CCS: variants seen among roughly 807,000 people sequenced by gnomAD.
CCS encodes superoxide dismutase copper chaperone.
Under a neutral mutation model 35.5 loss-of-function variants are expected in CCS, and 32 were observed. The ratio of observed to expected loss-of-function variants is 0.90; its 90% CI spans 0.68 to 1.21. The LOEUF (loss-of-function observed/expected upper bound fraction) is 1.21. Ranked by LOEUF, CCS falls within the 50% of genes most tolerant of loss-of-function variation. The pLI is 0.00. For synonymous variants in CCS, 130 were observed against 147.2 expected (o/e 0.88, Z 0.84); for missense variants, 342 against 375.4 (o/e 0.91, Z 0.73).
At position 66,599,146 on chromosome 11, in the gene CCS, A is replaced by G. The variant is rs751957472; in HGVS notation, c.143A>G (p.Asp48Gly). 6 of 1,613,832 alleles carry G rather than the reference A, an allele frequency of 3.7e-6. No homozygotes were observed. The East Asian group carries it at 1.3e-4, about 36-fold the overall frequency. ...GVQDVEVHLE[D>G]QMVLVHTTLP... ...CAGGATGTGGAGGTGCACTTGGAGG[A>G]CCAGATGGTCTTGGTACACACCACT... Residue 48 changes from aspartate (D) to glycine (G), a missense_variant, in exon 3 of 8, where the codon GAC becomes GGC. Asp to Gly is a moderately conservative substitution (Grantham distance 94, BLOSUM62 -1). Coordinates refer to ENST00000533244, the MANE Select transcript of CCS (RefSeq NM_005125.2).
chr11:66,600,034 GGCAGGA>G, intron 4 of CCS: 1 of 190,732 alleles, frequency 5.2e-6, no homozygotes, highest in Non-Finnish European at 1.1e-5. Flanking sequence ...AATCTCCTGA[GGCAGGA>G]GAATCACTTG....
chr11:66,596,777 A>C (rs1858484535), intron 2 of CCS, among the ~76,000 whole-genome samples: 1 of 152,214 alleles, frequency 6.6e-6, no homozygotes, highest in Admixed American at 6.5e-5. Flanking sequence ...TAGTCAGTGC[A>C]ATGTGAATTA....
intron 2 of CCS, among the ~76,000 whole-genome samples, chr11:66,597,084 C>A (rs1325580057): frequency 1.3e-5 from 2 of 152,220 alleles, no homozygotes; most frequent in Non-Finnish European, 2.9e-5. Context: ...ACAGGATTCG[C>A]TCACCGTCCA....
intron 2 of CCS, among the ~76,000 whole-genome samples, chr11:66,596,799 G>T (rs1394043807): frequency 6.6e-6 from 1 of 152,228 alleles, no homozygotes; most frequent in Non-Finnish European, 1.5e-5. Flanking sequence ...AGGAGGGGGA[G>T]TGTGAGCTGC....
chr11:66,596,351 G>A (rs1042995485), intron 2 of CCS, among the ~76,000 whole-genome samples: 4 of 148,112 alleles, frequency 2.7e-5, no homozygotes, highest in African/African-American at 5.0e-5. Flanking sequence ...ATGGGTGTGC[G>A]CCACCACGCC....
Position 66,605,533 on chromosome 11 carries a change from A to T in CCS, c.612A>T (p.Glu204Asp), listed in dbSNP as rs201296030. The T allele has an allele frequency of 2.5e-6, 4 of 1,614,072 alleles. No homozygotes were observed. The Admixed American group carries it at 5.0e-5, about 20-fold the overall frequency. The change falls in exon 7 of 8, where the codon GAA (glutamate) becomes GAT (aspartate). Residue 204 changes from glutamate (E) to aspartate (D), a missense_variant. Glu to Asp is a conservative substitution (Grantham distance 45). Coordinates refer to ENST00000533244, the MANE Select transcript of CCS (RefSeq NM_005125.2). ...IGRSLIIDEG[E>D]DDLGRGGHPL... is the part of the protein sequence containing the mutation. ...GCAGCCTGATTATTGATGAGGGAGA[A>T]GATGACCTGGGCCGGGGAGGCCATC... is the stretch of plus-strand genomic sequence containing the variant.
chr11:66,596,670 G>A (rs916244460), intron 2 of CCS, among the ~76,000 whole-genome samples: 7 of 152,102 alleles, frequency 4.6e-5, no homozygotes, highest in Non-Finnish European at 7.4e-5. Flanking sequence ...ATGAGCCACC[G>A]CGCCCGGCCG....
At chr11:66,599,394 C>G in intron 3 of CCS, 65 bp from the exon 4 acceptor site, 3 of 1,498,114 alleles carry the variant, frequency 2.0e-6, no homozygotes, top group Non-Finnish European at 2.7e-6. Context: ...CCTGCCCTTC[C>G]CGAGCTGCTG....
chr11:66,605,538 A>T lies in CCS; in HGVS notation c.617A>T (p.Asp206Val). ...CTGATTATTGATGAGGGAGAAGATG[A>T]CCTGGGCCGGGGAGGCCATCCCTTA... ...RSLIIDEGED[D>V]LGRGGHPLSK... Residue 206 changes from aspartate (D) to valine (V), a missense_variant, in exon 7 of 8, where the codon GAC (aspartate) becomes GTC (valine). By Grantham distance (152) the Asp-to-Val change is radical. Transcript: ENST00000533244. 6.2e-7 allele frequency: 1 copy of T among 1,614,012 alleles called. No homozygotes were observed. The highest frequency in any genetic ancestry group is 8.5e-7 in the Non-Finnish European group (1 of 1,180,002).
At chr11:66,593,478 A>T in intron 1 of CCS, 164 bp from the exon 2 acceptor site, 1 of 931,510 alleles carries the variant, frequency 1.1e-6, no homozygotes. Context: ...GGTGACTCCC[A>T]TGGTCCTGGA....
chr11:66,605,132 C>T (rs757798937), intron 5 of CCS: 4 of 1,527,464 alleles, frequency 2.6e-6, no homozygotes, highest in Non-Finnish European at 2.6e-6. Context: ...CCGGGACTTC[C>T]TGGACCACTT....
chr11:66,602,579 C>T (rs1488522679), intron 5 of CCS, among the ~76,000 whole-genome samples: 4 of 152,262 alleles, frequency 2.6e-5, no homozygotes, highest in Non-Finnish European at 5.9e-5. Context: ...AGGCCATTCG[C>T]CTCATGCAGC....
chr11:66,597,728 G>A (rs1858502825), intron 2 of CCS, among the ~76,000 whole-genome samples: 1 of 151,626 alleles, frequency 6.6e-6, no homozygotes, highest in Admixed American at 6.6e-5. Context: ...CTCCAGCCTG[G>A]GCGACAGAGT....
rs375174622 is a variant in CCS, at chr11:66,605,406, A to C, written c.557A>C (p.Glu186Ala). 34 of 1,614,180 alleles carry C rather than the reference A, an allele frequency of 2.1e-5. No homozygotes were observed. The highest frequency in any genetic ancestry group is 2.8e-5 in the Non-Finnish European group (33 of 1,180,028). The change falls in exon 6 of 8, where the codon GAG becomes GCG. Residue 186 changes from glutamate to alanine, a missense_variant. Physicochemically the swap from Glu to Ala is moderately radical, Grantham distance 107. Coordinates refer to ENST00000533244, the MANE Select transcript of CCS (RefSeq NM_005125.2). ...DGRAIFRMED[E>A]QLKVWDVIGR... ...CGCGCCATCTTCAGAATGGAGGATGAGCAGCTGAAGGTAAGGTGGAAAAGA... is the reference window on the plus strand; with the variant it reads ...CGCGCCATCTTCAGAATGGAGGATGCGCAGCTGAAGGTAAGGTGGAAAAGA...
chr11:66,593,465 G>C, intron 1 of CCS, 165 bp downstream of exon 1: 4 of 925,226 alleles, frequency 4.3e-6, no homozygotes, highest in Non-Finnish European at 3.3e-6. Context: ...GTGAGTGTTG[G>C]GGGGTGACTC....
At chr11:66,600,583 G>C (rs1554965503) in intron 5 of CCS, 34 bp downstream of exon 5, 38 of 1,311,762 alleles carry the variant, frequency 2.9e-5, no homozygotes, top group Middle Eastern at 1.9e-4. Context: ...CTTGGGCTGA[G>C]AGAGGACCCA....
rs1056594683 is a variant in CCS at position 66,605,474 on chromosome 11, C to T, written c.568-15C>T. 23 of 1,613,330 alleles carry T rather than the reference C, an allele frequency of 1.4e-5. No individual in the cohort carries two copies. Among genetic ancestry groups the T allele is most frequent in the African/African-American group, 9.3e-5 (7 of 74,888 alleles). On this transcript the variant is annotated splice_polypyrimidine_tract_variant and intron_variant, in intron 6 of 7. Transcript: ENST00000533244. ...AACAGGGTCCATCATCTGAAGCTGT[C>T]GTCTCCCCTCAAAGGTGTGGGATGT...
chr11:66,600,548 G>T lies in CCS; in HGVS notation c.488G>T (p.Arg163Leu), dbSNP rs146737817. The T allele has an allele frequency of 4.0e-6, 6 of 1,512,306 alleles. No individual in the cohort carries two copies. The highest frequency in any genetic ancestry group is 5.4e-6 in the Non-Finnish European group (6 of 1,121,468). The allele number at this position is 1,512,306 out of a possible 1,614,324, so 93.7% of individuals were successfully genotyped here. Residue 163 changes from arginine (R) to leucine (L), a missense_variant and splice_region_variant, in exon 5 of 8, where the codon CGG becomes CTG. Transcript: ENST00000533244. Reference protein sequence around the residue: ...ASHGGPQDSDRHRGDLGNVRA... With the variant: ...ASHGGPQDSDLHRGDLGNVRA... ...CATGGGGGCCCCCAGGACTCTGACC[G>T]GGTAAGTGTCTGTCTGGGTTTGGGC...
rs202148109 is a variant in CCS, at chr11:66,599,554, G to C, written c.346G>C (p.Glu116Gln). Residue 116 changes from glutamate to glutamine, a missense_variant, in exon 4 of 8, where the codon GAG (glutamate) becomes CAG (glutamine). By Grantham distance (29) the Glu-to-Gln change is conservative. Transcript: ENST00000533244. ...GCTGACCCCTGAGCGCTGCCTCATC[G>C]AGGGAACTATTGACGGCCTGGAGCC... Reference protein sequence around the residue: ...LQLTPERCLIEGTIDGLEPGL... With the variant: ...LQLTPERCLIQGTIDGLEPGL... 1.4e-5 allele frequency: 22 copies of C among 1,604,614 alleles called. No individual in the cohort carries two copies. The East Asian group carries it at 4.7e-4, about 34-fold the overall frequency.
Sources: allele counts gnomAD v4.1 joint callset (sites outside exome capture counted in the v4.1 genomes callset), GRCh38; gene constraint gnomAD v4.1.1; transcripts MANE v1.5; gene names NCBI Gene and HGNC (gene_info 2026-07-23, HGNC 2026-07-21).